Variants in CEP250 observed in about 807,000 individuals in gnomAD.
The protein encoded by CEP250 is centrosomal protein 250.
Under a neutral mutation model 315.7 loss-of-function variants are expected in CEP250, and 242 were observed. The observed-to-expected ratio is 0.77, with a 90% CI of 0.69 to 0.85. The LOEUF (loss-of-function observed/expected upper bound fraction) is 0.85, where lower values mean the gene tolerates loss of function less well. Ranked by LOEUF, CEP250 falls within the 40% of genes least tolerant of loss-of-function variation. CEP250 has a pLI of 0.00. For missense variants in CEP250, 2,515 were observed against 2,886.4 expected, an observed-to-expected ratio of 0.87 and a Z score of 2.95; for synonymous variants, 1,088 against 1,175.0, an observed-to-expected ratio of 0.93 and a Z score of 1.51.
At position 35,459,146 on chromosome 20, in the gene CEP250, T is replaced by A. The variant is rs77559548; in HGVS notation, c.-227+772T>A. Among the ~76,000 whole-genome samples, 1,384 of 151,750 alleles carry A rather than the reference T, an allele frequency of 9.1e-3. 16 individuals are homozygous for A. Among genetic ancestry groups the A allele is most frequent in the African/African-American group, 0.031 (1,282 of 41,454 alleles). ...GTGCCTGGCCATGCAAATCATTTTT[T>A]GAGATAAGTGGGGCATATAAAAATA... On this transcript the variant is annotated intron_variant, in intron 2 of 34. Coordinates refer to ENST00000397527, the MANE Select transcript of CEP250 (RefSeq NM_007186.6).
chr20:35,501,764 C>A, intron 28 of CEP250, 81 bp from the exon 29 acceptor site: 1 of 1,443,454 alleles, frequency 6.9e-7, no homozygotes, highest in Non-Finnish European at 9.3e-7. Context: ...TCCCCATCCT[C>A]CATCTGCCTC....
chr20:35,471,946 G>T, intron 10 of CEP250, 104 bp from the exon 11 acceptor site: 1 of 710,012 alleles, frequency 1.4e-6, no homozygotes. Context: ...AAAAAGTGGG[G>T]CTGATAGAAT....
intron 9 of CEP250, among the ~76,000 whole-genome samples, chr20:35,467,848 C>T (rs1357856617): frequency 3.3e-5 from 5 of 152,182 alleles, no homozygotes; most frequent in Admixed American, 2.6e-4. Context: ...AAGCTCTTCC[C>T]CCTCCCTGTC....
chr20:35,502,918 C>G lies in CEP250; in HGVS notation c.4549C>G (p.Arg1517Gly). The G allele has an allele frequency of 6.2e-7, 1 of 1,614,148 alleles. No individual in the cohort carries two copies. Among genetic ancestry groups the G allele is most frequent in the African/African-American group, 1.3e-5 (1 of 75,026 alleles). Reference sequence around the variant, plus strand: ...GCAGATCAGAGAGCTCGAGAAGGATCGGGAGACTCAGAGGAACGTCTTGGA... The same window carrying G: ...GCAGATCAGAGAGCTCGAGAAGGATGGGGAGACTCAGAGGAACGTCTTGGA... The part of the protein sequence containing the change: ...REQIRELEKD[R>G]ETQRNVLEHQ... Residue 1517 changes from arginine to glycine, a missense_variant, in exon 30 of 35, where the codon CGG becomes GGG. Transcript: ENST00000397527.
Position 35,490,775 on chromosome 20 carries a change from C to T in CEP250, c.2725C>T (p.Arg909Trp), listed in dbSNP as rs769974123. The T allele has an allele frequency of 2.2e-5, 36 of 1,613,312 alleles. No individual in the cohort carries two copies. In the Admixed American group the frequency reaches 4.5e-4, roughly 20 times the overall value. ...CATCCAGGCCCAGAGGGAAGAAGAACGGACCCAGGCAGAGAGTGCCCTATG... is the reference window on the plus strand; with the variant it reads ...CATCCAGGCCCAGAGGGAAGAAGAATGGACCCAGGCAGAGAGTGCCCTATG... ...EAIQAQREEE[R>W]TQAESALCQM... Residue 909 changes from arginine (R) to tryptophan (W), a missense_variant, in exon 21 of 35, where the codon CGG becomes TGG. Transcript: ENST00000397527.
chr20:35,471,528 T>C (rs894323659), intron 10 of CEP250, among the ~76,000 whole-genome samples: 7 of 152,178 alleles, frequency 4.6e-5, no homozygotes, highest in African/African-American at 1.7e-4. Context: ...CTAACACAAA[T>C]AGGAAGGAAG....
rs2064090157 is a variant in CEP250, at chr20:35,503,683, C to T, written c.5314C>T (p.Leu1772Phe). 1.2e-6 allele frequency: 2 copies of T among 1,614,090 alleles called. No homozygotes were observed. The highest frequency in any genetic ancestry group is 1.7e-5 in the Admixed American group (1 of 60,024). ...LHRKVGETSL[L>F]LSQREQEIVV... ...CAGGAAGGTAGGTGAGACCAGCCTC[C>T]TCCTGTCCCAGCGAGAGCAGGAAAT... Residue 1772 changes from leucine to phenylalanine, a missense_variant, in exon 30 of 35, where the codon CTC (leucine) becomes TTC (phenylalanine). By Grantham distance (22) the Leu-to-Phe change is conservative (BLOSUM62 0). Transcript: ENST00000397527. The surrounding 1 kb of genome is among the most constrained non-coding windows in gnomAD (Gnocchi z 4.2).
At chr20:35,488,536 C>T (rs1195921121) in intron 20 of CEP250, among the ~76,000 whole-genome samples, 1 of 151,994 alleles carries the variant, frequency 6.6e-6, no homozygotes, top group African/African-American at 2.4e-5. Context: ...TTAACGGCAG[C>T]CTCACCCTCA....
intron 24 of CEP250, among the ~76,000 whole-genome samples, chr20:35,495,726 G>A (rs1411656478): frequency 1.3e-5 from 2 of 152,028 alleles, no homozygotes; most frequent in Non-Finnish European, 2.9e-5. Context: ...CTCCAGCCTC[G>A]GTGACAGAAC....
At position 35,503,378 on chromosome 20, in the gene CEP250, T is replaced by C. The variant is rs2064075573; in HGVS notation, c.5009T>C (p.Leu1670Pro). 1 of 1,614,084 alleles carries C rather than the reference T, an allele frequency of 6.2e-7. No individual in the cohort carries two copies. Among genetic ancestry groups the C allele is most frequent in the Non-Finnish European group, 8.5e-7 (1 of 1,180,008 alleles). The change falls in exon 30 of 35, where the codon CTC becomes CCC. Residue 1670 changes from leucine to proline, a missense_variant. Coordinates refer to ENST00000397527, the MANE Select transcript of CEP250 (RefSeq NM_007186.6). The surrounding 1 kb of genome is among the most constrained non-coding windows in gnomAD (Gnocchi z 4.2). Reference protein sequence around the residue: ...LMLQKERIQVLEDQRTRQTKI... With the variant: ...LMLQKERIQVPEDQRTRQTKI... ...CTGCAGAAGGAGAGGATTCAGGTTC[T>C]CGAGGATCAGAGGACCCGGCAGACC...
chr20:35,506,172 G>C (rs1045370899), intron 30 of CEP250, among the ~76,000 whole-genome samples: 1 of 152,176 alleles, frequency 6.6e-6, no homozygotes, highest in African/African-American at 2.4e-5. Context: ...AAGAGAAGCA[G>C]GTGTGAGAAA....
At chr20:35,493,283 G>T in intron 22 of CEP250, 146 bp from the exon 23 acceptor site, 1 of 708,934 alleles carries the variant, frequency 1.4e-6, no homozygotes, top group Non-Finnish European at 2.3e-6. Flanking sequence ...ACTTTGTGAG[G>T]GAGGAGAGGG....
intron 9 of CEP250, 110 bp from the exon 10 acceptor site, chr20:35,469,780 G>C (rs1299814141): frequency 1.7e-6 from 1 of 587,660 alleles, no homozygotes; most frequent in Non-Finnish European, 2.9e-6. Flanking sequence ...TTTGGGGGAG[G>C]CTGCAGTTGG....
In CEP250 at chr20:35,477,907, G is replaced by C. The variant is rs897523301; in HGVS notation, c.1900G>C (p.Glu634Gln). 3 of 1,598,544 alleles carry C rather than the reference G, an allele frequency of 1.9e-6. No homozygotes were observed. The highest frequency in any genetic ancestry group is 2.6e-6 in the Non-Finnish European group (3 of 1,172,874). ...GAACCAGTCTGTGTGCAGCAGAATG[G>C]AGGCCGCAGAGCAGGCGAGAAATGC... Reference protein sequence around the residue: ...EENQSVCSRMEAAEQARNALQ... With the variant: ...EENQSVCSRMQAAEQARNALQ... The change falls in exon 17 of 35, where the codon GAG becomes CAG. Residue 634 changes from glutamate to glutamine, a missense_variant. By Grantham distance (29) the Glu-to-Gln change is conservative. Coordinates refer to ENST00000397527, the MANE Select transcript of CEP250 (RefSeq NM_007186.6).
chr20:35,470,038 T>G (rs1176821785), intron 10 of CEP250, 52 bp downstream of exon 10: 1 of 1,186,320 alleles, frequency 8.4e-7, no homozygotes, highest in South Asian at 1.2e-5. Context: ...TGTAGGTTCC[T>G]TGTGCTTTAT....
At chr20:35,456,925 G>A (rs921191534) in intron 1 of CEP250, among the ~76,000 whole-genome samples, 1 of 152,022 alleles carries the variant, frequency 6.6e-6, no homozygotes, top group African/African-American at 2.4e-5. Context: ...GGGATTACAG[G>A]CGCCCGCCAC....
chr20:35,464,152 C>T (rs551788407), intron 5 of CEP250, among the ~76,000 whole-genome samples: 1 of 152,314 alleles, frequency 6.6e-6, no homozygotes, highest in African/African-American at 2.4e-5. Context: ...AGATGGTCCT[C>T]CCCAACTTAG....
rs771260667 is a variant in CEP250 at position 35,469,904 on chromosome 20, C to T, written c.866C>T (p.Ser289Phe). 6.2e-7 allele frequency: 1 copy of T among 1,612,876 alleles called. No individual in the cohort carries two copies. Among genetic ancestry groups the T allele is most frequent in the Non-Finnish European group, 8.5e-7 (1 of 1,179,034 alleles). Residue 289 changes from serine (S) to phenylalanine (F), a missense_variant, in exon 10 of 35, where the codon TCT (serine) becomes TTT (phenylalanine). Transcript: ENST00000397527. ...AELQDRVTEL[S>F]ALLTQSQKQN... ...CTTCTCTTTAGGGTGACCGAGCTCTCTGCTCTGTTGACCCAGTCTCAGAAG... is the reference window on the plus strand; with the variant it reads ...CTTCTCTTTAGGGTGACCGAGCTCTTTGCTCTGTTGACCCAGTCTCAGAAG...
At chr20:35,483,599 G>A (rs1449320723) in intron 20 of CEP250, among the ~76,000 whole-genome samples, 1 of 151,548 alleles carries the variant, frequency 6.6e-6, no homozygotes, top group Non-Finnish European at 1.5e-5. Context: ...CGAACTCCTG[G>A]GCTCAAGCTG....
Sources: allele counts gnomAD v4.1 joint callset (sites outside exome capture counted in the v4.1 genomes callset), GRCh38; gene constraint gnomAD v4.1.1; non-coding constraint Gnocchi (gnomAD v3.1); transcripts MANE v1.5; gene names NCBI Gene and HGNC (gene_info 2026-07-23, HGNC 2026-07-21).